PDS5B: variants seen among roughly 807,000 people sequenced by gnomAD.
PDS5B encodes PDS5 cohesin associated factor B.
A neutral mutation model predicts 184.1 loss-of-function variants in PDS5B; 51 were observed. The ratio of observed to expected loss-of-function variants is 0.28; its 90% CI spans 0.22 to 0.35. The LOEUF (loss-of-function observed/expected upper bound fraction) is 0.35. PDS5B is among the 10% of genes least tolerant of loss of function. The probability of loss-of-function intolerance (pLI) is 1.00; values close to 1 mark genes in which losing one functional copy is unlikely to be tolerated. For missense variants in PDS5B, 1,180 were observed against 1,723.3 expected (o/e 0.68, Z 5.58); for synonymous variants, 566 against 569.2 (o/e 0.99, Z 0.08).
At position 32,692,350 on chromosome 13, in the gene PDS5B, G is replaced by T. The variant is rs146700903; in HGVS notation, c.1470-1873G>T. On this transcript the variant is annotated intron_variant, in intron 13 of 34. Transcript: ENST00000315596. ...AGAACTCCTATTAGCGACAGTAGTA[G>T]AAGATGGTATCGGGGTCTTTGTTGT... Among the ~76,000 whole-genome samples, 14 of 143,980 alleles carry T rather than the reference G, an allele frequency of 9.7e-5. No individual in the cohort carries two copies. In the East Asian group the frequency reaches 2.7e-3, roughly 28 times the overall value. 94.5% of individuals were successfully genotyped at this position (143,980 alleles called of 152,430 possible).
At chr13:32,736,810 G>A (rs556307041) in intron 21 of PDS5B, among the ~76,000 whole-genome samples, 1 of 151,770 alleles carries the variant, frequency 6.6e-6, no homozygotes, top group Admixed American at 6.6e-5. Context: ...GTACTTTTCT[G>A]CCAGCCTCCT....
intron 18 of PDS5B, among the ~76,000 whole-genome samples, chr13:32,707,396 TATTA>T (rs1474539416): frequency 6.6e-6 from 1 of 152,048 alleles, no homozygotes; most frequent in Non-Finnish European, 1.5e-5. Flanking sequence ...ATTGTAAAAA[TATTA>T]ATTCATTATT....
In PDS5B at chr13:32,777,062, TAAGG is replaced by T. The variant is rs1182578450; in HGVS notation, c.*2013_*2016del. On this transcript the variant is annotated 3_prime_UTR_variant, in exon 35 of 35. Coordinates refer to ENST00000315596, the MANE Select transcript of PDS5B (RefSeq NM_015032.4). ...GTTTTAAAATCTATAACATAAAGAATAAGGAATAGCTTTGTATTTTTGTCATTGA... is the reference window on the plus strand; with the variant it reads ...GTTTTAAAATCTATAACATAAAGAATAATAGCTTTGTATTTTTGTCATTGA... 2 of 152,156 alleles carry T rather than the reference TAAGG, an allele frequency of 1.3e-5. No individual in the cohort carries two copies. Among genetic ancestry groups the T allele is most frequent in the Non-Finnish European group, 2.9e-5 (2 of 67,874 alleles). 9.4% of individuals were successfully genotyped at this position (152,156 alleles called of 1,614,324 possible).
chr13:32,759,681 T>A lies in PDS5B; in HGVS notation c.3363T>A (p.Thr1121=). 1 of 1,551,766 alleles carries A rather than the reference T, an allele frequency of 6.4e-7. No individual in the cohort carries two copies. Among genetic ancestry groups the A allele is most frequent in the South Asian group, 1.2e-5 (1 of 84,388 alleles). ...YLPPEMKSFF[T]PGKPKTTNVL... ...CTCCTGAAATGAAATCATTTTTCACTCCTGGAAAAGTATGTTTTGAGAATC... is the reference window on the plus strand; with the variant it reads ...CTCCTGAAATGAAATCATTTTTCACACCTGGAAAAGTATGTTTTGAGAATC... The change falls in exon 29 of 35, where the codon ACT becomes ACA. Residue 1121 remains threonine (T), a synonymous_variant. Transcript: ENST00000315596.
intron 1 of PDS5B, among the ~76,000 whole-genome samples, chr13:32,613,540 T>A (rs1172388612): frequency 2.6e-5 from 4 of 152,072 alleles, no homozygotes; most frequent in Non-Finnish European, 5.9e-5. Flanking sequence ...ATATCTTCTC[T>A]GGAAAACTGT....
At chr13:32,621,857 G>A (rs1011196585) in intron 1 of PDS5B, among the ~76,000 whole-genome samples, 1 of 152,144 alleles carries the variant, frequency 6.6e-6, no homozygotes, top group African/African-American at 2.4e-5. Context: ...GAGTAGTTAT[G>A]ACAGAAGGTA....
intron 1 of PDS5B, among the ~76,000 whole-genome samples, chr13:32,604,810 A>G (rs1195174269): frequency 6.6e-6 from 1 of 152,124 alleles, no homozygotes; most frequent in African/African-American, 2.4e-5. Flanking sequence ...GGGAGGGTGT[A>G]TGTGTCCAGG....
chr13:32,615,818 A>G (rs2140521280), intron 1 of PDS5B, among the ~76,000 whole-genome samples: 1 of 152,324 alleles, frequency 6.6e-6, no homozygotes. Flanking sequence ...TAACTTATAT[A>G]GTCCCTGGCA....
intron 23 of PDS5B, among the ~76,000 whole-genome samples, chr13:32,745,192 A>G (rs1167174903): frequency 6.6e-6 from 1 of 152,112 alleles, no homozygotes; most frequent in African/African-American, 2.4e-5. Context: ...TCCTCACCAC[A>G]CCTGCTTTCA....
intron 13 of PDS5B, chr13:32,689,529 A>G (rs1951487569): frequency 1.3e-5 from 2 of 152,116 alleles, no homozygotes; most frequent in Admixed American, 1.3e-4. Context: ...TAAAATATTT[A>G]CTGTCCGGCC....
At chr13:32,614,409 T>C (rs971830112) in intron 1 of PDS5B, among the ~76,000 whole-genome samples, 3 of 151,930 alleles carry the variant, frequency 2.0e-5, no homozygotes, top group African/African-American at 7.3e-5. Flanking sequence ...GCGATTCTCA[T>C]GCCTTGGCCT....
intron 1 of PDS5B, among the ~76,000 whole-genome samples, chr13:32,630,570 A>T (rs1198523221): frequency 3.3e-5 from 5 of 152,216 alleles, no homozygotes; most frequent in Non-Finnish European, 5.9e-5. Context: ...ATTTCTTTAA[A>T]AAATCCTTCA....
chr13:32,647,803 TTG>T (rs1288446842), intron 1 of PDS5B, among the ~76,000 whole-genome samples: 2 of 152,178 alleles, frequency 1.3e-5, no homozygotes, highest in African/African-American at 4.8e-5. Context: ...TCTGTTTTTG[TTG>T]TGTGGTATTT....
chr13:32,606,327 G>C (rs916145185), intron 1 of PDS5B, among the ~76,000 whole-genome samples: 1 of 152,266 alleles, frequency 6.6e-6, no homozygotes, highest in East Asian at 1.9e-4. Context: ...CACTTATGAA[G>C]CTTAGTTTGG....
intron 19 of PDS5B, among the ~76,000 whole-genome samples, chr13:32,721,842 G>A (rs1174052133): frequency 6.6e-6 from 1 of 150,964 alleles, no homozygotes; most frequent in Non-Finnish European, 1.5e-5. Flanking sequence ...ACGGGATGAC[G>A]GCTGGGAAGA....
intron 6 of PDS5B, 99 bp from the exon 7 acceptor site, chr13:32,667,664 GT>G: frequency 5.7e-6 from 4 of 706,650 alleles, no homozygotes; most frequent in Non-Finnish European, 9.2e-6. Context: ...TTGAGTCTTA[GT>G]TTTTTCATTC....
At position 32,776,936 on chromosome 13, in the gene PDS5B, TC is replaced by T. The variant is rs1954974699; in HGVS notation, c.*1885del. 6.6e-6 allele frequency: 1 copy of T among 152,486 alleles called. No individual in the cohort carries two copies. The highest frequency in any genetic ancestry group is 1.5e-5 in the Non-Finnish European group (1 of 67,906). 9.4% of individuals were successfully genotyped at this position (152,486 alleles called of 1,614,324 possible). A position where few individuals can be genotyped will look rare whatever the true frequency, so the allele number is the denominator to read the frequency against. On this transcript the variant is annotated 3_prime_UTR_variant, in exon 35 of 35. Coordinates refer to ENST00000315596, the MANE Select transcript of PDS5B (RefSeq NM_015032.4). ...AGTAATTATGAGAGGCTGTCATATA[TC>T]AAAGCAGCTCAGGTGGGATCAACAT...
intron 3 of PDS5B, among the ~76,000 whole-genome samples, chr13:32,654,255 A>C (rs759686502): frequency 1.1e-4 from 16 of 152,162 alleles, no homozygotes; most frequent in Non-Finnish European, 2.1e-4. Context: ...TATTTTGTCT[A>C]CAGTAGTGTT....
At chr13:32,647,556 C>T (rs187321881) in intron 1 of PDS5B, among the ~76,000 whole-genome samples, 11 of 152,292 alleles carry the variant, frequency 7.2e-5, no homozygotes, top group Non-Finnish European at 1.2e-4. Context: ...GCTGGGATTA[C>T]AGGCGTGAGC....
Sources: gnomAD v4.1 joint callset for allele counts (sites outside exome capture counted in the v4.1 genomes callset) on GRCh38, gnomAD v4.1.1 for gene constraint, MANE v1.5 for transcripts, NCBI Gene and HGNC (gene_info 2026-07-23, HGNC 2026-07-21) for gene names.